BFSP2: variants seen among roughly 807,000 people sequenced by gnomAD.
The protein encoded by BFSP2 is beaded filament structural protein 2, also known as phakinin.
In BFSP2, 38 loss-of-function variants were observed where a neutral mutation model predicts 44.9. That is an observed-to-expected ratio of 0.85 (90% CI 0.65 to 1.11). BFSP2 has a LOEUF of 1.11. Among genes scored for constraint, BFSP2 ranks in the 50% least tolerant of loss-of-function variants. BFSP2 has a pLI of 0.00. For synonymous variants in BFSP2, 197 were observed against 209.9 expected, an observed-to-expected ratio of 0.94 and a Z score of 0.53; for missense variants, 525 against 533.0, an observed-to-expected ratio of 0.99 and a Z score of 0.15.
chr3:133,471,136 G>A (rs181192496), intron 5 of BFSP2, among the ~76,000 whole-genome samples: 2 of 152,342 alleles, frequency 1.3e-5, no homozygotes, highest in Admixed American at 6.5e-5. Flanking sequence ...AGCCATCAAT[G>A]GAGTTTAAGC....
chr3:133,417,025 CCCTCTACTCCTT>C (rs1427964478), intron 1 of BFSP2, among the ~76,000 whole-genome samples: 1 of 143,902 alleles, frequency 6.9e-6, no homozygotes, highest in Non-Finnish European at 1.5e-5. Context: ...CTCTACTCAC[CCCTCTACTCCTT>C]CCTGCCATCT....
At chr3:133,452,584 C>A (rs1050847408) in intron 4 of BFSP2, among the ~76,000 whole-genome samples, 1 of 152,174 alleles carries the variant, frequency 6.6e-6, no homozygotes, top group African/African-American at 2.4e-5. Context: ...GTCCTAGAGA[C>A]CATCTGATCC....
chr3:133,438,689 T>C (rs969359583), intron 1 of BFSP2, among the ~76,000 whole-genome samples: 3 of 152,224 alleles, frequency 2.0e-5, no homozygotes, highest in Non-Finnish European at 4.4e-5. Context: ...ATCACTTGAA[T>C]AATTTTAAAA....
At chr3:133,420,870 C>T (rs1334564800) in intron 1 of BFSP2, among the ~76,000 whole-genome samples, 3 of 152,194 alleles carry the variant, frequency 2.0e-5, no homozygotes, top group African/African-American at 7.2e-5. Flanking sequence ...CCATCTCTCC[C>T]CCAGAGTCTA....
intron 1 of BFSP2, among the ~76,000 whole-genome samples, chr3:133,432,076 C>T (rs2073727407): frequency 6.6e-6 from 1 of 152,090 alleles, no homozygotes; most frequent in Non-Finnish European, 1.5e-5. Context: ...CCCATTAAAA[C>T]CTAATCACCC....
At position 133,472,503 on chromosome 3, in the gene BFSP2, C is replaced by A. The variant is rs9823754; in HGVS notation, c.1182C>A (p.Arg394=). Residue 394 remains arginine, a synonymous_variant, in exon 6 of 7, where the codon CGC becomes CGA. Coordinates refer to ENST00000302334, the MANE Select transcript of BFSP2 (RefSeq NM_003571.4). ...QQQERAHLLA[R]KCQLQKDVAS... ...AGGAGCGCGCGCATCTGCTGGCCCG[C>A]AAGTGCCAGCTGCAGAAGGACGTGG... 6.2e-7 allele frequency: 1 copy of A among 1,613,272 alleles called. No homozygotes were observed. Among genetic ancestry groups the A allele is most frequent in the Non-Finnish European group, 8.5e-7 (1 of 1,180,012 alleles).
At chr3:133,456,854 A>G (rs1163188196) in intron 4 of BFSP2, among the ~76,000 whole-genome samples, 7 of 152,210 alleles carry the variant, frequency 4.6e-5, no homozygotes, top group Non-Finnish European at 1.0e-4. Flanking sequence ...AGAGGACAGC[A>G]TAGGTCTAGA....
At chr3:133,426,843 G>T (rs1200358247) in intron 1 of BFSP2, among the ~76,000 whole-genome samples, 5 of 152,222 alleles carry the variant, frequency 3.3e-5, no homozygotes, top group African/African-American at 1.2e-4. Flanking sequence ...TGTGCCTCCA[G>T]CAAGTACAGG....
At chr3:133,446,303 C>A (rs1316533309) in intron 1 of BFSP2, among the ~76,000 whole-genome samples, 1 of 151,850 alleles carries the variant, frequency 6.6e-6, no homozygotes, top group Non-Finnish European at 1.5e-5. Flanking sequence ...TGCCTGTAAT[C>A]CCAGCTACTC....
chr3:133,461,155 G>A (rs965431328), intron 4 of BFSP2, among the ~76,000 whole-genome samples: 1 of 152,134 alleles, frequency 6.6e-6, no homozygotes. Context: ...CAGCAAAGTG[G>A]GTCAGGCTTG....
intron 4 of BFSP2, among the ~76,000 whole-genome samples, chr3:133,465,152 C>T (rs1474209823): frequency 3.9e-5 from 6 of 151,962 alleles, no homozygotes; most frequent in South Asian, 4.2e-4. Flanking sequence ...TACAGGCTCA[C>T]GCTACCATCA....
intron 1 of BFSP2, among the ~76,000 whole-genome samples, chr3:133,428,647 C>A (rs1356648680): frequency 6.6e-6 from 1 of 150,630 alleles, no homozygotes; most frequent in African/African-American, 2.4e-5. Context: ...CAGGAAATAT[C>A]TTGTCAGAGG....
chr3:133,417,753 C>G (rs1369474684), intron 1 of BFSP2, among the ~76,000 whole-genome samples: 1 of 139,386 alleles, frequency 7.2e-6, no homozygotes, highest in African/African-American at 2.7e-5. Context: ...CTCCCCTCTA[C>G]TCACCTCTGT....
intron 1 of BFSP2, among the ~76,000 whole-genome samples, chr3:133,415,311 C>G (rs2073509848): frequency 8.2e-6 from 1 of 121,288 alleles, no homozygotes; most frequent in Non-Finnish European, 1.7e-5. Flanking sequence ...CCTCTACTCG[C>G]CCCTGTCCTT....
chr3:133,472,248 C>T, intron 5 of BFSP2, 97 bp from the exon 6 acceptor site: 1 of 1,346,148 alleles, frequency 7.4e-7, no homozygotes, highest in Non-Finnish European at 1.0e-6. Flanking sequence ...GGGAATAGTC[C>T]AGGCTACCAC....
At chr3:133,446,995 G>A (rs2073908277) in intron 1 of BFSP2, among the ~76,000 whole-genome samples, 1 of 152,026 alleles carries the variant, frequency 6.6e-6, no homozygotes, top group Non-Finnish European at 1.5e-5. Context: ...CTTCATCTAA[G>A]GAGCCGGACT....
intron 1 of BFSP2, among the ~76,000 whole-genome samples, chr3:133,424,238 T>G (rs1236217158): frequency 0.85 from 123,381 of 145,880 alleles, 52,505 homozygotes; most frequent in Middle Eastern, 0.94. Flanking sequence ...TTTTTTTTTT[T>G]TTTGTATTTT....
chr3:133,407,646 C>T (rs1003148327), intron 1 of BFSP2, among the ~76,000 whole-genome samples: 1 of 152,036 alleles, frequency 6.6e-6, no homozygotes, highest in Non-Finnish European at 1.5e-5. Context: ...TATAAAGTCT[C>T]TGTAATTAAA....
At chr3:133,457,282 G>A (rs1455121783) in intron 4 of BFSP2, among the ~76,000 whole-genome samples, 1 of 152,218 alleles carries the variant, frequency 6.6e-6, no homozygotes, top group African/African-American at 2.4e-5. Context: ...GGATCCCGAA[G>A]CATCTTCATA....
Sources: allele counts gnomAD v4.1 joint callset (sites outside exome capture counted in the v4.1 genomes callset), GRCh38; gene constraint gnomAD v4.1.1; transcripts MANE v1.5; gene names NCBI Gene and HGNC (gene_info 2026-07-23, HGNC 2026-07-21).